The following MGAT4A variants were observed in gnomAD, a reference collection of about 807,000 sequenced individuals.
The protein encoded by MGAT4A is N-acetylglucosaminyltransferase IVa.
In MGAT4A, 33 loss-of-function variants were observed where a neutral mutation model predicts 74.1. The observed-to-expected ratio is 0.45, with a 90% CI of 0.34 to 0.60. The LOEUF (loss-of-function observed/expected upper bound fraction) is 0.60. Among genes scored for constraint, MGAT4A ranks in the 20% least tolerant of loss-of-function variants. The pLI, the probability that MGAT4A is intolerant of heterozygous loss-of-function variation, is 0.02. For synonymous variants in MGAT4A, 198 were observed against 210.4 expected (o/e 0.94, Z 0.51); for missense variants, 479 against 628.3 (o/e 0.76, Z 2.54).
chr2:98,640,237 T>A lies in MGAT4A; in HGVS notation c.1021-9A>T. 1 of 1,597,406 alleles carries A rather than the reference T, an allele frequency of 6.3e-7. No individual in the cohort carries two copies. Among genetic ancestry groups the A allele is most frequent in the South Asian group, 1.1e-5 (1 of 88,368 alleles). ...TGTCTATCACAATGTTTCTAAATAT[T>A]AAAAAAAATCACGTTAGTGTTGCAT... On this transcript the variant is annotated splice_polypyrimidine_tract_variant and intron_variant, in intron 10 of 15. Coordinates refer to ENST00000393487, the MANE Select transcript of MGAT4A (RefSeq NM_012214.3).
At chr2:98,696,353 A>T (rs892670296) in intron 2 of MGAT4A, among the ~76,000 whole-genome samples, 2 of 152,224 alleles carry the variant, frequency 1.3e-5, no homozygotes, top group Non-Finnish European at 2.9e-5. Flanking sequence ...AATGCCTCTT[A>T]TATCACATAT....
chr2:98,662,984 A>G, intron 5 of MGAT4A, 62 bp downstream of exon 5: 2 of 1,252,052 alleles, frequency 1.6e-6, no homozygotes, highest in Admixed American at 5.2e-5. Context: ...CAAATATTCA[A>G]TTAGAGTTTC....
At chr2:98,699,110 T>C (rs568635965) in intron 2 of MGAT4A, among the ~76,000 whole-genome samples, 1 of 152,216 alleles carries the variant, frequency 6.6e-6, no homozygotes, top group Admixed American at 6.5e-5. Flanking sequence ...AGAAACCAGG[T>C]ATGCAGTGAC....
intron 4 of MGAT4A, among the ~76,000 whole-genome samples, chr2:98,667,135 C>T (rs1174934): frequency 0.45 from 68,310 of 152,038 alleles, 15,883 homozygotes; most frequent in East Asian, 0.76. Flanking sequence ...ATGTGACTTG[C>T]TCCTCCTTGC....
chr2:98,625,869 C>G (rs1701136740), intron 14 of MGAT4A, 34 bp from the exon 15 acceptor site: 2 of 1,451,692 alleles, frequency 1.4e-6, no homozygotes, highest in African/African-American at 2.8e-5. Context: ...GTTGGATACA[C>G]CGAGATAAGC....
rs551750086 is a variant in MGAT4A at position 98,702,676 on chromosome 2, G to A, written c.94+23563C>T. 1.1e-4 allele frequency among the ~76,000 whole-genome samples: 17 copies of A among 152,330 alleles called. No individual in the cohort carries two copies. The South Asian group carries it at 3.5e-3, about 32-fold the overall frequency. The stretch of plus-strand genomic sequence containing the variant: ...TCCAACAGGTCCTGAGCAGAGAAGG[G>A]AGCCCTACCGGCTCGAGGTGTTTGA... On this transcript the variant is annotated intron_variant, in intron 2 of 15. Transcript: ENST00000393487.
chr2:98,668,962 AC>A (rs1443947232), intron 4 of MGAT4A, among the ~76,000 whole-genome samples: 1 of 152,120 alleles, frequency 6.6e-6, no homozygotes, highest in African/African-American at 2.4e-5. Context: ...CAATGCCCGT[AC>A]CCCCATTGTA....
intron 14 of MGAT4A, among the ~76,000 whole-genome samples, chr2:98,631,566 C>T (rs983235968): frequency 2.0e-5 from 3 of 152,212 alleles, no homozygotes; most frequent in Non-Finnish European, 2.9e-5. Context: ...CACGGGCGGG[C>T]GGAAGAGCAC....
At chr2:98,658,329 A>C in intron 5 of MGAT4A, 65 bp from the exon 6 acceptor site, 1 of 852,706 alleles carries the variant, frequency 1.2e-6, no homozygotes, top group Admixed American at 2.6e-5. Flanking sequence ...GTTAATACTG[A>C]ACTCGAAATT....
intron 2 of MGAT4A, among the ~76,000 whole-genome samples, chr2:98,704,688 T>C (rs1702398729): frequency 6.6e-6 from 1 of 151,968 alleles, no homozygotes; most frequent in Non-Finnish European, 1.5e-5. Context: ...GAGGATGGCT[T>C]GAGCCCAGGA....
At chr2:98,651,436 A>G (rs1701577043) in intron 8 of MGAT4A, among the ~76,000 whole-genome samples, 1 of 152,232 alleles carries the variant, frequency 6.6e-6, no homozygotes, top group African/African-American at 2.4e-5. Flanking sequence ...GGTAAAATAG[A>G]GTGCAGGGGA....
rs143029458 is a variant in MGAT4A at position 98,634,410 on chromosome 2, C to G, written c.1468+812G>C. On this transcript the variant is annotated intron_variant, in intron 14 of 15. Coordinates refer to ENST00000393487, the MANE Select transcript of MGAT4A (RefSeq NM_012214.3). The stretch of plus-strand genomic sequence containing the variant: ...TGCCCGGAGAGTGTGGGGCCTTCAT[C>G]AGAGGAACAACAGTCTCAGGGCTGG... Among the ~76,000 whole-genome samples the G allele has an allele frequency of 7.8e-3, 1,187 of 152,050 alleles. 20 individuals carry two copies. The highest frequency in any genetic ancestry group is 0.027 in the African/African-American group (1,118 of 41,456).
intron 10 of MGAT4A, among the ~76,000 whole-genome samples, chr2:98,642,887 C>T (rs1439800662): frequency 6.6e-6 from 1 of 151,982 alleles, no homozygotes; most frequent in Non-Finnish European, 1.5e-5. Context: ...CAATGATAGC[C>T]TACAGACACC....
rs59955000 is a variant in MGAT4A, at chr2:98,671,943, C to CAAAAAAA, written c.403+3085_403+3091dup. Among the ~76,000 whole-genome samples, 12 of 28,614 alleles carry CAAAAAAA rather than the reference C, an allele frequency of 4.2e-4. 2 individuals carry two copies. Among genetic ancestry groups the CAAAAAAA allele is most frequent in the East Asian group, 3.1e-3 (2 of 654 alleles). 18.8% of individuals were successfully genotyped at this position (28,614 alleles called of 152,430 possible). A position where few individuals can be genotyped will look rare whatever the true frequency, so the allele number is the denominator to read the frequency against. On this transcript the variant is annotated intron_variant, in intron 4 of 15. Coordinates refer to ENST00000393487, the MANE Select transcript of MGAT4A (RefSeq NM_012214.3). ...AGGCCACAAAGTAATGTGGAAAAGG[C>CAAAAAAA]AAAAAAAAAAAAAAAAAAAAAAAAA... is the stretch of plus-strand genomic sequence containing the variant.
intron 9 of MGAT4A, among the ~76,000 whole-genome samples, chr2:98,644,416 T>C (rs1310438054): frequency 6.6e-6 from 1 of 152,120 alleles, no homozygotes; most frequent in East Asian, 1.9e-4. Context: ...TCTGAATCAA[T>C]AAATGCAAAA....
intron 2 of MGAT4A, among the ~76,000 whole-genome samples, chr2:98,719,590 C>A (rs1702637174): frequency 6.6e-6 from 1 of 152,144 alleles, no homozygotes; most frequent in Non-Finnish European, 1.5e-5. Flanking sequence ...AAAAACCAAG[C>A]AGGTAACAGA....
chr2:98,696,160 G>A (rs1183083641), intron 2 of MGAT4A, among the ~76,000 whole-genome samples: 1 of 152,154 alleles, frequency 6.6e-6, no homozygotes, highest in Non-Finnish European at 1.5e-5. Context: ...TGGAATTACA[G>A]ACAGGAGCCA....
chr2:98,640,081 A>G lies in MGAT4A; in HGVS notation c.1128+40T>C, dbSNP rs376858937. 14 of 1,565,914 alleles carry G rather than the reference A, an allele frequency of 8.9e-6. No individual in the cohort carries two copies. The African/African-American group carries it at 1.5e-4, about 17-fold the overall frequency. ...AAACAATAATTATAACTTAAATAAC[A>G]AGTTGTATGTTCATGAGAAAATAAA... On this transcript the variant is annotated intron_variant, in intron 11 of 15. Coordinates refer to ENST00000393487, the MANE Select transcript of MGAT4A (RefSeq NM_012214.3).
chr2:98,624,977 T>C lies in MGAT4A; in HGVS notation c.*589A>G. Reference sequence around the variant, plus strand: ...CTTAAATGGCAGTGCATTTGAAAAATGGCATTGGTTTGTAATGTTTGCATT... The same window carrying C: ...CTTAAATGGCAGTGCATTTGAAAAACGGCATTGGTTTGTAATGTTTGCATT... On this transcript the variant is annotated 3_prime_UTR_variant, in exon 16 of 16. Transcript: ENST00000393487. 2 of 985,428 alleles carry C rather than the reference T, an allele frequency of 2.0e-6. No individual in the cohort carries two copies. The highest frequency in any genetic ancestry group is 2.4e-6 in the Non-Finnish European group (2 of 829,596). 61.0% of individuals were successfully genotyped at this position (985,428 alleles called of 1,614,324 possible). A position where few individuals can be genotyped will look rare whatever the true frequency, so the allele number is the denominator to read the frequency against.
Sources: gnomAD v4.1 joint callset for allele counts (sites outside exome capture counted in the v4.1 genomes callset) on GRCh38, gnomAD v4.1.1 for gene constraint, MANE v1.5 for transcripts, NCBI Gene and HGNC (gene_info 2026-07-23, HGNC 2026-07-21) for gene names.